DPY19L2: variants seen among roughly 807,000 people sequenced by gnomAD.
DPY19L2 encodes dpy-19 like 2.
In DPY19L2, 34 loss-of-function variants were observed where a neutral mutation model predicts 97.9. That is an observed-to-expected ratio of 0.35 (90% confidence interval 0.26 to 0.46). The LOEUF (loss-of-function observed/expected upper bound fraction) is 0.46, where lower values mean the gene tolerates loss of function less well. Among genes scored for constraint, DPY19L2 ranks in the 20% least tolerant of loss-of-function variants. The probability of loss-of-function intolerance (pLI) is 1.00; values close to 1 mark genes in which losing one functional copy is unlikely to be tolerated. For missense variants in DPY19L2, 623 were observed against 911.4 expected (o/e 0.68, Z 4.07); for synonymous variants, 230 against 307.9 (o/e 0.75, Z 2.65).
intron 6 of DPY19L2, among the ~76,000 whole-genome samples, 160 bp downstream of exon 6, chr12:63,644,243 G>A (rs1365443119): frequency 6.6e-6 from 1 of 151,866 alleles, no homozygotes; most frequent in Non-Finnish European, 1.5e-5. Context: ...TCCAGTTTCT[G>A]GTTACATGAT....
At chr12:63,623,248 CA>C (rs1194770992) in intron 8 of DPY19L2, among the ~76,000 whole-genome samples, 5 of 145,320 alleles carry the variant, frequency 3.4e-5, no homozygotes, top group South Asian at 2.2e-4. Flanking sequence ...AAAGTGTATC[CA>C]AAAAAAAAAG....
chr12:63,563,688 T>A (rs1877079153), intron 21 of DPY19L2, among the ~76,000 whole-genome samples: 1 of 152,176 alleles, frequency 6.6e-6, no homozygotes, highest in East Asian at 1.9e-4. Flanking sequence ...AAATTTCACA[T>A]ATGTGTTCAT....
Position 63,644,604 on chromosome 12 carries a change from G to A in DPY19L2, c.710-108C>T, listed in dbSNP as rs1209538085. Reference sequence around the variant, plus strand: ...TCAAGAGCTCATGAATTTGCTGAAAGCATTTGCTTTCCAGATTGCTGCTGT... The same window carrying A: ...TCAAGAGCTCATGAATTTGCTGAAAACATTTGCTTTCCAGATTGCTGCTGT... On this transcript the variant is annotated intron_variant, in intron 5 of 21. Coordinates refer to ENST00000324472, the MANE Select transcript of DPY19L2 (RefSeq NM_173812.5). 2.1e-6 allele frequency: 3 copies of A among 1,452,772 alleles called. No homozygotes were observed. The Admixed American group carries it at 7.7e-5, about 37-fold the overall frequency. 90.0% of individuals were successfully genotyped at this position (1,452,772 alleles called of 1,614,324 possible).
intron 6 of DPY19L2, 93 bp downstream of exon 6, chr12:63,644,310 A>G (rs1415209491): frequency 6.7e-7 from 1 of 1,481,812 alleles, no homozygotes; most frequent in Non-Finnish European, 9.0e-7. Context: ...ATATGAATCT[A>G]ATCTCATTAA....
At position 63,668,201 on chromosome 12, in the gene DPY19L2, G is replaced by C; in HGVS notation, c.193C>G (p.Arg65Gly). 1 of 1,613,890 alleles carries C rather than the reference G, an allele frequency of 6.2e-7. No individual in the cohort carries two copies. Among genetic ancestry groups the C allele is most frequent in the Non-Finnish European group, 8.5e-7 (1 of 1,179,950 alleles). Residue 65 changes from arginine to glycine, a missense_variant, in exon 1 of 22, where the codon CGA (arginine) becomes GGA (glycine). By Grantham distance (125) the Arg-to-Gly change is moderately radical. Coordinates refer to ENST00000324472, the MANE Select transcript of DPY19L2 (RefSeq NM_173812.5). Reference protein sequence around the residue: ...SPGRIQSLKERKGLELEVVAK... With the variant: ...SPGRIQSLKEGKGLELEVVAK... ...ACCACCTCTAGCTCCAAGCCTTTTC[G>C]CTCTTTCAGACTTTGGATCCTCCCC...
intron 1 of DPY19L2, among the ~76,000 whole-genome samples, chr12:63,666,120 A>C (rs910321406): frequency 3.3e-5 from 5 of 152,184 alleles, no homozygotes; most frequent in African/African-American, 1.2e-4. Flanking sequence ...GTAATTGGTA[A>C]GAGTGATGGA....
intron 5 of DPY19L2, among the ~76,000 whole-genome samples, chr12:63,644,706 AT>A (rs1396747894): frequency 4.0e-5 from 6 of 151,866 alleles, no homozygotes; most frequent in African/African-American, 1.5e-4. Context: ...GTGTATATAT[AT>A]GTGTGTGTAT....
rs754709318 is a variant in DPY19L2, at chr12:63,668,137, C to A, written c.257G>T (p.Arg86Leu). Residue 86 changes from arginine to leucine, a missense_variant, in exon 1 of 22, where the codon CGT becomes CTT. Around this residue, in one of 6 missense-constraint regions of DPY19L2, gnomAD observed 144 missense variants for 119.4 expected, o/e 1.21. Coordinates refer to ENST00000324472, the MANE Select transcript of DPY19L2 (RefSeq NM_173812.5). ...TTCCCGGAGCTGCGCCAGGGAATTA[C>A]GGACGAACTGGAAGGGGCCGAGAAG... is the stretch of plus-strand genomic sequence containing the variant. ...TFLLGPFQFV[R>L]NSLAQLREKV... The A allele has an allele frequency of 2.3e-5, 37 of 1,613,878 alleles. 1 individual carries two copies. Among genetic ancestry groups the A allele is most frequent in the Middle Eastern group, 1.6e-4 (1 of 6,080 alleles).
intron 15 of DPY19L2, 139 bp downstream of exon 15, chr12:63,595,827 G>A: frequency 1.4e-6 from 1 of 712,638 alleles, no homozygotes; most frequent in Non-Finnish European, 2.3e-6. Context: ...AAAGATCGAT[G>A]ATGAAAGATC....
intron 17 of DPY19L2, 125 bp downstream of exon 17, chr12:63,583,687 T>C (rs974769071): frequency 2.6e-5 from 21 of 807,806 alleles, no homozygotes; most frequent in Non-Finnish European, 3.6e-5. Flanking sequence ...TCAGCAGAAA[T>C]TTATCACCAA....
At chr12:63,629,034 A>C (rs578237732) in intron 6 of DPY19L2, among the ~76,000 whole-genome samples, 2 of 152,158 alleles carry the variant, frequency 1.3e-5, no homozygotes, top group Non-Finnish European at 2.9e-5. Context: ...ACTAACAAAC[A>C]GAAAGGACAC....
intron 6 of DPY19L2, among the ~76,000 whole-genome samples, chr12:63,631,142 A>G (rs1395667664): frequency 6.6e-6 from 1 of 152,130 alleles, no homozygotes; most frequent in Non-Finnish European, 1.5e-5. Flanking sequence ...ACACCCTAAC[A>G]TCACAATTAA....
chr12:63,601,009 T>C (rs1885101443), intron 12 of DPY19L2, among the ~76,000 whole-genome samples: 1 of 151,996 alleles, frequency 6.6e-6, no homozygotes, highest in Non-Finnish European at 1.5e-5. Flanking sequence ...ATGGTCTTGA[T>C]CTCCTGACCT....
intron 4 of DPY19L2, among the ~76,000 whole-genome samples, chr12:63,649,605 A>G (rs1893906613): frequency 6.6e-6 from 1 of 152,144 alleles, no homozygotes; most frequent in African/African-American, 2.4e-5. Flanking sequence ...CTGGAAATAT[A>G]TAACCTCCAA....
intron 6 of DPY19L2, among the ~76,000 whole-genome samples, chr12:63,628,293 G>C (rs1361226817): frequency 6.6e-6 from 1 of 152,174 alleles, no homozygotes; most frequent in East Asian, 1.9e-4. Context: ...GAAGCGCAAG[G>C]GGTCAGGGAA....
In DPY19L2 at chr12:63,620,218, T is replaced by A. The variant is rs563467936; in HGVS notation, c.1053+1020A>T. ...GTTCAGTTTCTTGTTACTAGTTATGTAGTTGCTTTAGAAACAGGATATGGG... is the reference window on the plus strand; with the variant it reads ...GTTCAGTTTCTTGTTACTAGTTATGAAGTTGCTTTAGAAACAGGATATGGG... On this transcript the variant is annotated intron_variant, in intron 9 of 21. Transcript: ENST00000324472. 86 of 286,626 alleles carry A rather than the reference T, an allele frequency of 3.0e-4. 1 individual carries two copies. The highest frequency in any genetic ancestry group is 1.8e-3 in the African/African-American group (82 of 44,502). The allele number at this position is 286,626 out of a possible 1,614,324, so 17.8% of individuals were successfully genotyped here. A position where few individuals can be genotyped will look rare whatever the true frequency, so the allele number is the denominator to read the frequency against.
At chr12:63,560,778 A>G in intron 21 of DPY19L2, 116 bp from the exon 22 acceptor site, 1 of 1,395,920 alleles carries the variant, frequency 7.2e-7, no homozygotes, top group Non-Finnish European at 9.6e-7. Flanking sequence ...AAATATTTTA[A>G]AGCGTCATTT....
chr12:63,600,755 G>C (rs1885028743), intron 12 of DPY19L2, among the ~76,000 whole-genome samples: 1 of 151,362 alleles, frequency 6.6e-6, no homozygotes, highest in Admixed American at 6.6e-5. Context: ...TCGGAAAAGT[G>C]GCTGCTTATA....
chr12:63,644,766 GTTACAC>G (rs1245585302), intron 5 of DPY19L2, among the ~76,000 whole-genome samples: 1 of 151,900 alleles, frequency 6.6e-6, no homozygotes, highest in Non-Finnish European at 1.5e-5. Context: ...TGATTATATA[GTTACAC>G]TTATACTTTA....
Sources: gnomAD v4.1 joint callset for allele counts (sites outside exome capture counted in the v4.1 genomes callset) on GRCh38, gnomAD v4.1.1 for gene constraint, gnomAD v4.1.1 regional missense constraint, MANE v1.5 for transcripts, NCBI Gene and HGNC (gene_info 2026-07-23, HGNC 2026-07-21) for gene names.